The following GBE1 variants were observed in gnomAD, a reference collection of about 807,000 sequenced individuals.
GBE1 encodes 1,4-alpha-glucan-branching enzyme.
Under a neutral mutation model 88.8 loss-of-function variants are expected in GBE1, and 70 were observed. That is an observed-to-expected ratio of 0.79 (90% CI 0.65 to 0.96). The LOEUF is 0.96. Ranked by LOEUF, GBE1 falls within the 40% of genes least tolerant of loss-of-function variation. The probability of loss-of-function intolerance (pLI) is 0.00; values close to 1 mark genes in which losing one functional copy is unlikely to be tolerated. For missense variants in GBE1, 872 were observed against 871.0 expected (o/e 1.00, Z -0.01); for synonymous variants, 284 against 300.1 (o/e 0.95, Z 0.56).
intron 6 of GBE1, among the ~76,000 whole-genome samples, chr3:81,644,100 T>C (rs182933719): frequency 6.6e-6 from 1 of 152,136 alleles, no homozygotes; most frequent in Non-Finnish European, 1.5e-5. Flanking sequence ...CTTTATTTGT[T>C]TGCCACTTAC....
At chr3:81,510,055 T>C (rs1291997709) in intron 14 of GBE1, among the ~76,000 whole-genome samples, 1 of 152,076 alleles carries the variant, frequency 6.6e-6, no homozygotes, top group Non-Finnish European at 1.5e-5. Context: ...TTTATTCAAG[T>C]CAGCACAAAC....
At chr3:81,591,192 T>C (rs1306778083) in intron 8 of GBE1, 28 bp from the exon 9 acceptor site, 2 of 1,552,062 alleles carry the variant, frequency 1.3e-6, no homozygotes, top group Admixed American at 1.9e-5. Context: ...AATACGGATA[T>C]ATTATGTTAA....
intron 14 of GBE1, among the ~76,000 whole-genome samples, chr3:81,507,901 G>T (rs1228641727): frequency 6.6e-6 from 1 of 152,022 alleles, no homozygotes; most frequent in Non-Finnish European, 1.5e-5. Context: ...TCAACAAAAG[G>T]TTTCTGGTTT....
At chr3:81,622,494 C>G (rs1704346708) in intron 7 of GBE1, among the ~76,000 whole-genome samples, 1 of 152,186 alleles carries the variant, frequency 6.6e-6, no homozygotes, top group African/African-American at 2.4e-5. Context: ...TTCAGATGAT[C>G]TGATACAAGC....
intron 8 of GBE1, among the ~76,000 whole-genome samples, chr3:81,591,690 C>T (rs1329284892): frequency 6.6e-6 from 1 of 152,144 alleles, no homozygotes; most frequent in Non-Finnish European, 1.5e-5. Context: ...ACCTCCTCTT[C>T]TCTCACATCC....
intron 1 of GBE1, among the ~76,000 whole-genome samples, chr3:81,706,484 C>T (rs1027739912): frequency 6.6e-6 from 1 of 152,122 alleles, no homozygotes; most frequent in South Asian, 2.1e-4. Flanking sequence ...AGAAGTAAAC[C>T]ATGTGCCAGG....
At chr3:81,746,152 T>C (rs896604421) in intron 1 of GBE1, among the ~76,000 whole-genome samples, 23 of 152,198 alleles carry the variant, frequency 1.5e-4, no homozygotes, top group African/African-American at 5.5e-4. Context: ...TAATAGGTGT[T>C]TGTTTTTTCT....
At chr3:81,629,018 GTTTTTTT>G (rs34707682) in intron 7 of GBE1, among the ~76,000 whole-genome samples, 5 of 98,002 alleles carry the variant, frequency 5.1e-5, no homozygotes, top group Non-Finnish European at 9.4e-5. Context: ...TTATGTTTAA[GTTTTTTT>G]TTTTTTTTTT....
At chr3:81,718,667 G>A (rs1173615937) in intron 1 of GBE1, among the ~76,000 whole-genome samples, 1 of 151,792 alleles carries the variant, frequency 6.6e-6, no homozygotes, top group Admixed American at 6.6e-5. Context: ...ATGGAGTTTT[G>A]CTCTTGTTGC....
intron 2 of GBE1, among the ~76,000 whole-genome samples, chr3:81,683,071 G>T (rs1215108699): frequency 6.6e-6 from 1 of 152,150 alleles, no homozygotes; most frequent in African/African-American, 2.4e-5. Context: ...TAGATCAGTG[G>T]TTGCCTAGTG....
chr3:81,612,220 TAAAAAAAAA>T (rs11404629), intron 7 of GBE1: 24 of 241,734 alleles, frequency 9.9e-5, no homozygotes, highest in African/African-American at 5.8e-4. Flanking sequence ...CACGCTCCTT[TAAAAAAAAA>T]AAAAAAAAAA....
chr3:81,694,452 C>T (rs1343684779), intron 2 of GBE1, among the ~76,000 whole-genome samples: 1 of 152,132 alleles, frequency 6.6e-6, no homozygotes, highest in Non-Finnish European at 1.5e-5. Flanking sequence ...GAGGCACAGC[C>T]TTACTCTAGA....
At chr3:81,574,931 G>A (rs554162898) in intron 12 of GBE1, among the ~76,000 whole-genome samples, 2 of 152,092 alleles carry the variant, frequency 1.3e-5, no homozygotes, top group South Asian at 2.1e-4. Flanking sequence ...TTGGGAGGCC[G>A]AGGCAGGCGA....
At chr3:81,613,023 G>C (rs1248052624) in intron 7 of GBE1, 9 of 608,346 alleles carry the variant, frequency 1.5e-5, no homozygotes, top group Non-Finnish European at 2.0e-5. Flanking sequence ...TGAAGGTGAA[G>C]AAGATGAAGA....
In GBE1 at chr3:81,732,479, G is replaced by A. The variant is rs549185248; in HGVS notation, c.144-26866C>T. On this transcript the variant is annotated intron_variant, in intron 1 of 15. Coordinates refer to ENST00000429644, the MANE Select transcript of GBE1 (RefSeq NM_000158.4). ...CCTATATCTAACTAAATGATAACCC[G>A]GGCCCAGGTCACTTAAATTTTTTCC... is the stretch of plus-strand genomic sequence containing the variant. Among the ~76,000 whole-genome samples, 5 of 152,072 alleles carry A rather than the reference G, an allele frequency of 3.3e-5. No individual in the cohort carries two copies. In the South Asian group the frequency reaches 6.2e-4, roughly 19 times the overall value.
At chr3:81,577,465 G>A (rs1296225965) in intron 12 of GBE1, among the ~76,000 whole-genome samples, 1 of 151,834 alleles carries the variant, frequency 6.6e-6, no homozygotes, top group Admixed American at 6.6e-5. Context: ...ATTTCTTTTT[G>A]TCCAACACAA....
chr3:81,670,401 A>C (rs1705172753), intron 3 of GBE1, among the ~76,000 whole-genome samples: 1 of 152,208 alleles, frequency 6.6e-6, no homozygotes, highest in Admixed American at 6.5e-5. Flanking sequence ...AAGCAGAAGA[A>C]GCAGTCTCCA....
At position 81,577,683 on chromosome 3, in the gene GBE1, G is replaced by T. The variant is rs1252765289; in HGVS notation, c.1618+242C>A. 2.0e-5 allele frequency among the ~76,000 whole-genome samples: 3 copies of T among 152,106 alleles called. No homozygotes were observed. In the South Asian group the frequency reaches 6.2e-4, roughly 32 times the overall value. On this transcript the variant is annotated intron_variant, in intron 12 of 15. Transcript: ENST00000429644. Reference sequence around the variant, plus strand: ...CCGGATGTTAAAAACAGGTAAGCCCGCTTGACAGCAATATTCAATTAAATA... The same window carrying T: ...CCGGATGTTAAAAACAGGTAAGCCCTCTTGACAGCAATATTCAATTAAATA...
chr3:81,517,783 A>G (rs1389497090), intron 14 of GBE1, among the ~76,000 whole-genome samples: 1 of 151,220 alleles, frequency 6.6e-6, no homozygotes, highest in Non-Finnish European at 1.5e-5. Context: ...TTTTAGTACT[A>G]TTTGTCTTTT....
Sources: gnomAD v4.1 joint callset for allele counts (sites outside exome capture counted in the v4.1 genomes callset) on GRCh38, gnomAD v4.1.1 for gene constraint, MANE v1.5 for transcripts, NCBI Gene and HGNC (gene_info 2026-07-23, HGNC 2026-07-21) for gene names.